The following MFSD6 variants were observed in gnomAD, a reference collection of about 807,000 sequenced individuals.
MFSD6 encodes the protein major facilitator superfamily domain containing 6.
A neutral mutation model predicts 56.3 loss-of-function variants in MFSD6; 26 were observed. That is an observed-to-expected ratio of 0.46 (90% CI 0.34 to 0.64). The LOEUF is 0.64. Among genes scored for constraint, MFSD6 ranks in the 30% least tolerant of loss-of-function variants. The pLI is 0.01. For missense variants in MFSD6, 750 were observed against 986.2 expected, an observed-to-expected ratio of 0.76 and a Z score of 3.21; for synonymous variants, 331 against 366.9, an observed-to-expected ratio of 0.90 and a Z score of 1.12.
In MFSD6 at chr2:190,469,677, CATATT is replaced by C; in HGVS notation, c.1533-79_1533-75del. 4.0e-6 allele frequency: 3 copies of C among 759,092 alleles called. No individual in the cohort carries two copies. Among genetic ancestry groups the C allele is most frequent in the Non-Finnish European group, 5.6e-6 (3 of 538,038 alleles). The allele number at this position is 759,092 out of a possible 1,614,324, so 47.0% of individuals were successfully genotyped here. Reference sequence around the variant, plus strand: ...AGGTAATATTTGCATGTTTTGTACACATATTAGATTGTATATTAGGGACTCAGTTT... The same window carrying C: ...AGGTAATATTTGCATGTTTTGTACACAGATTGTATATTAGGGACTCAGTTT... On this transcript the variant is annotated intron_variant, in intron 3 of 7. Transcript: ENST00000392328. This position sits in a 1 kb window ranked among gnomAD's most constrained non-coding sequence, Gnocchi z 5.3.
intron 2 of MFSD6, among the ~76,000 whole-genome samples, chr2:190,432,534 A>T (rs1438340460): frequency 6.6e-6 from 1 of 152,118 alleles, no homozygotes; most frequent in Non-Finnish European, 1.5e-5. Context: ...CTCTTGCCTC[A>T]GCCTCTAAAG....
At chr2:190,409,016 C>G (rs551595298) in intron 1 of MFSD6, among the ~76,000 whole-genome samples, 1 of 152,300 alleles carries the variant, frequency 6.6e-6, no homozygotes, top group South Asian at 2.1e-4. Flanking sequence ...GACGCGGCCA[C>G]TTGTGTGGCA....
chr2:190,497,342 G>T lies in MFSD6; in HGVS notation c.1892-97G>T. 1 of 1,339,616 alleles carries T rather than the reference G, an allele frequency of 7.5e-7. No individual in the cohort carries two copies. 83.0% of individuals were successfully genotyped at this position (1,339,616 alleles called of 1,614,324 possible). A position where few individuals can be genotyped will look rare whatever the true frequency, so the allele number is the denominator to read the frequency against. ...TTAATATTATCAAGCACTCTGGAATGGGTATATGGGATTCTTGGTTTATTT... is the reference window on the plus strand; with the variant it reads ...TTAATATTATCAAGCACTCTGGAATTGGTATATGGGATTCTTGGTTTATTT... On this transcript the variant is annotated intron_variant, in intron 6 of 7. Transcript: ENST00000392328. This position sits in a 1 kb window ranked among gnomAD's most constrained non-coding sequence, Gnocchi z 5.2.
rs1239259041 is a variant in MFSD6 at position 190,438,952 on chromosome 2, A to G, written c.1532+1391A>G. Among the ~76,000 whole-genome samples the G allele has an allele frequency of 6.6e-6, 1 of 151,954 alleles. No homozygotes were observed. Among genetic ancestry groups the G allele is most frequent in the African/African-American group, 2.4e-5 (1 of 41,326 alleles). ...GTGTTCTGTTCCTTCCCTTTCTCAGATCTTCGATCCCTTTGTTGTCACCAC... is the reference window on the plus strand; with the variant it reads ...GTGTTCTGTTCCTTCCCTTTCTCAGGTCTTCGATCCCTTTGTTGTCACCAC... On this transcript the variant is annotated intron_variant, in intron 3 of 7. Coordinates refer to ENST00000392328, the MANE Select transcript of MFSD6 (RefSeq NM_017694.4). The surrounding 1 kb of genome is among the most constrained non-coding windows in gnomAD (Gnocchi z 5.2).
intron 2 of MFSD6, among the ~76,000 whole-genome samples, chr2:190,430,353 C>T (rs1302655244): frequency 1.3e-5 from 2 of 150,978 alleles, no homozygotes; most frequent in Non-Finnish European, 3.0e-5. Flanking sequence ...GACCCTGCGG[C>T]CTTCCGCAGT....
intron 2 of MFSD6, among the ~76,000 whole-genome samples, chr2:190,420,645 A>G (rs963464048): frequency 3.9e-5 from 6 of 152,242 alleles, no homozygotes; most frequent in Admixed American, 3.9e-4. Context: ...CAAATTAAAT[A>G]TAATCCACTT....
chr2:190,500,529 G>A lies in MFSD6; in HGVS notation c.*311G>A. On this transcript the variant is annotated 3_prime_UTR_variant, in exon 8 of 8. Transcript: ENST00000392328. The surrounding 1 kb of genome is among the most constrained non-coding windows in gnomAD (Gnocchi z 5.3). ...GCCAGTGCAGTAAGAGTTGAAACCG[G>A]CAGTTACACTAAGTAAGTGGAGGGA... 3.3e-6 allele frequency: 1 copy of A among 306,636 alleles called. No homozygotes were observed. The highest frequency in any genetic ancestry group is 6.1e-5 in the East Asian group (1 of 16,274). 19.0% of individuals were successfully genotyped at this position (306,636 alleles called of 1,614,324 possible).
At position 190,453,924 on chromosome 2, in the gene MFSD6, T is replaced by C. The variant is rs199755846; in HGVS notation, c.1533-15834T>C. ...CATGTCAGAGAGTGGCATTGTTCTA[T>C]ATTGCCTTACCTCAGAAATGCTACT... is the stretch of plus-strand genomic sequence containing the variant. On this transcript the variant is annotated intron_variant, in intron 3 of 7. Coordinates refer to ENST00000392328, the MANE Select transcript of MFSD6 (RefSeq NM_017694.4). Among the ~76,000 whole-genome samples the C allele has an allele frequency of 2.6e-5, 4 of 152,326 alleles. No individual in the cohort carries two copies. In the East Asian group the frequency reaches 7.7e-4, roughly 29 times the overall value.
intron 4 of MFSD6, among the ~76,000 whole-genome samples, chr2:190,482,601 C>A (rs570594378): frequency 1.3e-5 from 2 of 152,078 alleles, no homozygotes; most frequent in Non-Finnish European, 2.9e-5. Flanking sequence ...CTCCTCCCAG[C>A]CATTATAATG....
intron 3 of MFSD6, among the ~76,000 whole-genome samples, chr2:190,468,471 G>C (rs1038663048): frequency 9.2e-6 from 1 of 108,436 alleles, no homozygotes; most frequent in Non-Finnish European, 2.1e-5. Flanking sequence ...TTTTTTTTTT[G>C]AGACAGGGTC....
chr2:190,474,075 G>C (rs1350174889), intron 4 of MFSD6, among the ~76,000 whole-genome samples: 1 of 152,114 alleles, frequency 6.6e-6, no homozygotes, highest in Non-Finnish European at 1.5e-5. Context: ...AGTGTGTAGA[G>C]GGAAATTTAT....
In MFSD6 at chr2:190,454,801, C is replaced by T. The variant is rs976943548; in HGVS notation, c.1533-14957C>T. Among the ~76,000 whole-genome samples the T allele has an allele frequency of 6.6e-6, 1 of 152,080 alleles. No individual in the cohort carries two copies. The highest frequency in any genetic ancestry group is 2.4e-5 in the African/African-American group (1 of 41,394). On this transcript the variant is annotated intron_variant, in intron 3 of 7. Transcript: ENST00000392328. This position sits in a 1 kb window ranked among gnomAD's most constrained non-coding sequence, Gnocchi z 4.6. The stretch of plus-strand genomic sequence containing the variant: ...TGAGGCAGGTATAGAGGGATGGGAT[C>T]CCCAAAGATTCTAAGAGTCAGAAGA...
At chr2:190,475,390 C>T (rs1267489432) in intron 4 of MFSD6, among the ~76,000 whole-genome samples, 1 of 152,164 alleles carries the variant, frequency 6.6e-6, no homozygotes, top group African/African-American at 2.4e-5. Context: ...AATCAATGTG[C>T]AAAAATCACA....
In MFSD6 at chr2:190,433,304, G is replaced by A. The variant is rs1459133967; in HGVS notation, c.-53-2673G>A. The A allele has an allele frequency of 6.6e-6, 1 of 152,096 alleles. No homozygotes were observed. The highest frequency in any genetic ancestry group is 6.6e-5 in the Admixed American group (1 of 15,266). 9.4% of individuals were successfully genotyped at this position (152,096 alleles called of 1,614,324 possible). The stretch of plus-strand genomic sequence containing the variant: ...AATTAATTTAGAAAATAGATTTGAG[G>A]GCAAATTATTTTTTCTTTTCAGATG... On this transcript the variant is annotated intron_variant, in intron 2 of 7. Coordinates refer to ENST00000392328, the MANE Select transcript of MFSD6 (RefSeq NM_017694.4). This position sits in a 1 kb window ranked among gnomAD's most constrained non-coding sequence, Gnocchi z 4.5.
chr2:190,437,042 C>T lies in MFSD6; in HGVS notation c.1013C>T (p.Ala338Val), dbSNP rs1686199875. ...TGGGGCTCCCTGGGCTGGGGCCTGG[C>T]GATGCTGTCTGTGGGCATCGGGATC... is the stretch of plus-strand genomic sequence containing the variant. ...RMWGSLGWGL[A>V]MLSVGIGIDY... The change falls in exon 3 of 8, where the codon GCG (alanine) becomes GTG (valine). Residue 338 changes from alanine (A) to valine (V), a missense_variant. Transcript: ENST00000392328. This position sits in a 1 kb window ranked among gnomAD's most constrained non-coding sequence, Gnocchi z 5.9. The T allele has an allele frequency of 1.2e-6, 2 of 1,614,028 alleles. No homozygotes were observed. Among genetic ancestry groups the T allele is most frequent in the Admixed American group, 1.7e-5 (1 of 59,996 alleles).
At chr2:190,449,631 A>C (rs2125083549) in intron 3 of MFSD6, among the ~76,000 whole-genome samples, 1 of 151,780 alleles carries the variant, frequency 6.6e-6, no homozygotes, top group African/African-American at 2.4e-5. Context: ...TCCAACAATG[A>C]TAGACTGGAT....
rs1016374693 is a variant in MFSD6 at position 190,439,410 on chromosome 2, G to A, written c.1532+1849G>A. Among the ~76,000 whole-genome samples the A allele has an allele frequency of 1.3e-5, 2 of 151,878 alleles. No homozygotes were observed. Among genetic ancestry groups the A allele is most frequent in the African/African-American group, 2.4e-5 (1 of 41,326 alleles). On this transcript the variant is annotated intron_variant, in intron 3 of 7. Coordinates refer to ENST00000392328, the MANE Select transcript of MFSD6 (RefSeq NM_017694.4). The surrounding 1 kb of genome is among the most constrained non-coding windows in gnomAD (Gnocchi z 5.8). ...ATACTTTAAGTTTTAGGGTACACGT[G>A]CACAACGTGCAGATTTGTTGCATGT...
Position 190,424,038 on chromosome 2 carries a change from C to T in MFSD6, c.-54+8625C>T, listed in dbSNP as rs1297464122. Among the ~76,000 whole-genome samples, 1 of 152,084 alleles carries T rather than the reference C, an allele frequency of 6.6e-6. No homozygotes were observed. Among genetic ancestry groups the T allele is most frequent in the African/African-American group, 2.4e-5 (1 of 41,422 alleles). On this transcript the variant is annotated intron_variant, in intron 2 of 7. Coordinates refer to ENST00000392328, the MANE Select transcript of MFSD6 (RefSeq NM_017694.4). The surrounding 1 kb of genome is among the most constrained non-coding windows in gnomAD (Gnocchi z 5.9). ...TCTTTACATATTCTAGAAACTAATC[C>T]TTCGCTGGATTTGTGGTTTCCAAGT... is the stretch of plus-strand genomic sequence containing the variant.
Position 190,439,904 on chromosome 2 carries a change from G to A in MFSD6, c.1532+2343G>A, listed in dbSNP as rs750078017. ...AGGTAGAATGGATCTGTTCCTTTTA[G>A]TGATAATTTTGGGAGCTCAGTCAGG... On this transcript the variant is annotated intron_variant, in intron 3 of 7. Transcript: ENST00000392328. The surrounding 1 kb of genome is among the most constrained non-coding windows in gnomAD (Gnocchi z 5.8). 9.9e-5 allele frequency among the ~76,000 whole-genome samples: 15 copies of A among 152,198 alleles called. No homozygotes were observed. The highest frequency in any genetic ancestry group is 6.5e-5 in the Admixed American group (1 of 15,280).
Sources: allele counts gnomAD v4.1 joint callset (sites outside exome capture counted in the v4.1 genomes callset), GRCh38; gene constraint gnomAD v4.1.1; non-coding constraint Gnocchi (gnomAD v3.1); transcripts MANE v1.5; gene names NCBI Gene and HGNC (gene_info 2026-07-23, HGNC 2026-07-21).